TFDP1: variants seen among roughly 807,000 people sequenced by gnomAD.
TFDP1 encodes transcription factor Dp-1, also known as DRTF1-polypeptide 1.
Under a neutral mutation model 48.0 loss-of-function variants are expected in TFDP1, and 6 were observed. That is an observed-to-expected ratio of 0.13 (90% confidence interval 0.07 to 0.25). TFDP1 has a LOEUF of 0.25. Among genes scored for constraint, TFDP1 ranks in the 10% least tolerant of loss-of-function variants. The pLI, the probability that TFDP1 is intolerant of heterozygous loss-of-function variation, is 1.00. For missense variants in TFDP1, 335 were observed against 543.0 expected, an observed-to-expected ratio of 0.62 and a Z score of 3.81; for synonymous variants, 201 against 211.6, an observed-to-expected ratio of 0.95 and a Z score of 0.44.
intron 3 of TFDP1, among the ~76,000 whole-genome samples, chr13:113,622,889 G>T (rs1353200396): frequency 6.6e-6 from 1 of 152,238 alleles, no homozygotes; most frequent in Non-Finnish European, 1.5e-5. Flanking sequence ...CCAGGCCGTG[G>T]TCCCCACCAG....
In TFDP1 at chr13:113,633,446, G is replaced by A. The variant is rs955981473; in HGVS notation, c.474+161G>A. ...GAGTCAGTAAGTGTGTGCCGGGGCC[G>A]AGAGGCTGGGGTGGCGGAGCCCAGC... On this transcript the variant is annotated intron_variant, in intron 6 of 11. Coordinates refer to ENST00000375370, the MANE Select transcript of TFDP1 (RefSeq NM_007111.5). This position sits in a 1 kb window ranked among gnomAD's most constrained non-coding sequence, Gnocchi z 4.5. Among the ~76,000 whole-genome samples the A allele has an allele frequency of 6.6e-5, 10 of 151,960 alleles. No homozygotes were observed. The highest frequency in any genetic ancestry group is 9.7e-5 in the African/African-American group (4 of 41,326).
At chr13:113,619,488 A>AC (rs2048944314) in intron 3 of TFDP1, among the ~76,000 whole-genome samples, 1 of 148,154 alleles carries the variant, frequency 6.7e-6, no homozygotes, top group African/African-American at 2.5e-5. Flanking sequence ...AAACAAAAAA[A>AC]AAAAAAAAAA....
At chr13:113,590,026 C>T (rs11842514) in intron 2 of TFDP1, among the ~76,000 whole-genome samples, 3,482 of 152,314 alleles carry the variant, frequency 0.023, 136 homozygotes, top group African/African-American at 0.079. Context: ...TGTAAGACTT[C>T]GGGATGTAGC....
chr13:113,633,829 A>G lies in TFDP1; in HGVS notation c.475-61A>G, dbSNP rs1357019782. 4 of 1,551,010 alleles carry G rather than the reference A, an allele frequency of 2.6e-6. No individual in the cohort carries two copies. Among genetic ancestry groups the G allele is most frequent in the South Asian group, 1.2e-5 (1 of 80,290 alleles). On this transcript the variant is annotated intron_variant, in intron 6 of 11. Coordinates refer to ENST00000375370, the MANE Select transcript of TFDP1 (RefSeq NM_007111.5). The surrounding 1 kb of genome is among the most constrained non-coding windows in gnomAD (Gnocchi z 4.5). ...CTTTGAGCCAGTGCCCATGGTCTAC[A>G]GTTTAAGGATCCACCGGCCTTTTTG...
At chr13:113,625,568 G>A (rs1377983730) in intron 4 of TFDP1, among the ~76,000 whole-genome samples, 1 of 74,304 alleles carries the variant, frequency 1.3e-5, no homozygotes, top group Non-Finnish European at 2.6e-5. Context: ...TGTCTCTCAC[G>A]TGTCCTCAGG....
In TFDP1 at chr13:113,619,530, C is replaced by G. The variant is rs2048946915; in HGVS notation, c.80-3650C>G. Among the ~76,000 whole-genome samples, 3 of 151,832 alleles carry G rather than the reference C, an allele frequency of 2.0e-5. No homozygotes were observed. In the South Asian group the frequency reaches 6.3e-4, roughly 32 times the overall value. ...AAGCCCACCCACCCAGGTCTGGCCC[C>G]AGAAGCCACTGCCACTGCCCTTTCC... On this transcript the variant is annotated intron_variant, in intron 3 of 11. Transcript: ENST00000375370.
intron 4 of TFDP1, among the ~76,000 whole-genome samples, chr13:113,624,341 T>G (rs937591949): frequency 6.6e-6 from 1 of 151,114 alleles, no homozygotes; most frequent in Admixed American, 6.6e-5. Context: ...GTCTCTCGGG[T>G]GTCCTCAGGT....
intron 4 of TFDP1, among the ~76,000 whole-genome samples, chr13:113,630,079 G>A (rs546905318): frequency 6.6e-5 from 10 of 152,254 alleles, no homozygotes; most frequent in Admixed American, 2.6e-4. Flanking sequence ...CGGGGCCAGC[G>A]CGCTCTCAGG....
intron 3 of TFDP1, among the ~76,000 whole-genome samples, chr13:113,614,062 T>A (rs1193161781): frequency 6.7e-6 from 1 of 149,928 alleles, no homozygotes; most frequent in African/African-American, 2.4e-5. Flanking sequence ...GTGTGTTGTG[T>A]GCATGAGTTG....
At chr13:113,617,936 T>C (rs1346700204) in intron 3 of TFDP1, among the ~76,000 whole-genome samples, 3 of 152,282 alleles carry the variant, frequency 2.0e-5, no homozygotes, top group Admixed American at 1.3e-4. Context: ...TAATGGATTA[T>C]AGCAACTGAG....
At chr13:113,591,908 A>G (rs1225804713) in intron 2 of TFDP1, among the ~76,000 whole-genome samples, 3 of 152,168 alleles carry the variant, frequency 2.0e-5, no homozygotes, top group Non-Finnish European at 4.4e-5. Context: ...CTGGCCATGC[A>G]CTGCTCTCTG....
In TFDP1 at chr13:113,598,349, T is replaced by A. The variant is rs2048334245; in HGVS notation, c.12+12500T>A. ...AGAGCATCATTTGGTGTTTTTCTGC[T>A]GGAAAAGCAGGCTTTAGAGTGGTGG... On this transcript the variant is annotated intron_variant, in intron 2 of 11. Coordinates refer to ENST00000375370, the MANE Select transcript of TFDP1 (RefSeq NM_007111.5). This position sits in a 1 kb window ranked among gnomAD's most constrained non-coding sequence, Gnocchi z 4.2. 6.6e-6 allele frequency among the ~76,000 whole-genome samples: 1 copy of A among 152,178 alleles called. No individual in the cohort carries two copies. The highest frequency in any genetic ancestry group is 2.1e-4 in the South Asian group (1 of 4,834).
At chr13:113,590,419 G>A (rs541813965) in intron 2 of TFDP1, among the ~76,000 whole-genome samples, 2 of 152,322 alleles carry the variant, frequency 1.3e-5, no homozygotes, top group South Asian at 4.1e-4. Context: ...CCTGGATGGT[G>A]AAGTTCAGGC....
rs1474098431 is a variant in TFDP1, at chr13:113,625,070, A to C, written c.186+1784A>C. Among the ~76,000 whole-genome samples the C allele has an allele frequency of 3.9e-5, 5 of 126,956 alleles. No individual in the cohort carries two copies. The South Asian group carries it at 1.5e-3, about 37-fold the overall frequency. 83.3% of individuals were successfully genotyped at this position (126,956 alleles called of 152,430 possible). On this transcript the variant is annotated intron_variant, in intron 4 of 11. Coordinates refer to ENST00000375370, the MANE Select transcript of TFDP1 (RefSeq NM_007111.5). ...TCTCACGTGTCCTCAGGTGTCTCTCACGTGTCCTCAGGTGTCTCTCACGTG... is the reference window on the plus strand; with the variant it reads ...TCTCACGTGTCCTCAGGTGTCTCTCCCGTGTCCTCAGGTGTCTCTCACGTG...
chr13:113,585,107 C>T (rs1465670381), intron 1 of TFDP1, among the ~76,000 whole-genome samples: 3 of 146,810 alleles, frequency 2.0e-5, no homozygotes, highest in African/African-American at 4.9e-5. Context: ...GTCCCGGGCC[C>T]GGCCCTCCCG....
At chr13:113,606,670 A>G (rs1307706701) in intron 2 of TFDP1, among the ~76,000 whole-genome samples, 2 of 152,112 alleles carry the variant, frequency 1.3e-5, no homozygotes, top group East Asian at 3.9e-4. Flanking sequence ...GTGCTGGTTT[A>G]TAGAACATTT....
chr13:113,585,392 C>T (rs2047975541), intron 1 of TFDP1: 2 of 153,270 alleles, frequency 1.3e-5, no homozygotes, highest in Non-Finnish European at 2.9e-5. Context: ...CGCCGCGAGC[C>T]TGCACGTTGC....
rs1037666360 is a variant in TFDP1, at chr13:113,603,334, G to A, written c.13-7662G>A. Among the ~76,000 whole-genome samples, 6 of 152,250 alleles carry A rather than the reference G, an allele frequency of 3.9e-5. No individual in the cohort carries two copies. In the East Asian group the frequency reaches 7.7e-4, roughly 20 times the overall value. On this transcript the variant is annotated intron_variant, in intron 2 of 11. Transcript: ENST00000375370. ...AGGAGCCCCCTGGACACACCCTGGC[G>A]GGTGCTGGCTGGCAAAGAGGGAGGC...
rs776290371 is a variant in TFDP1 at position 113,637,859 on chromosome 13, G to T, written c.1048G>T (p.Ala350Ser). Reference sequence around the variant, plus strand: ...TGTTGGAGGCGTGTTCATCACGACGGCAGGTTCCACGTCTAACGGCACAAG... The same window carrying T: ...TGTTGGAGGCGTGTTCATCACGACGTCAGGTTCCACGTCTAACGGCACAAG... ...GTVGGVFITT[A>S]GSTSNGTRFS... Residue 350 changes from alanine to serine, a missense_variant, in exon 11 of 12, where the codon GCA becomes TCA. Ala to Ser is a moderately conservative substitution (Grantham distance 99). Around this residue, in one of 3 missense-constraint regions of TFDP1, gnomAD observed 204 missense variants for 287.1 expected, o/e 0.71. Transcript: ENST00000375370. 3.1e-6 allele frequency: 5 copies of T among 1,614,152 alleles called. No homozygotes were observed. The highest frequency in any genetic ancestry group is 4.2e-6 in the Non-Finnish European group (5 of 1,180,046).
Sources: gnomAD v4.1 joint callset for allele counts (sites outside exome capture counted in the v4.1 genomes callset) on GRCh38, gnomAD v4.1.1 for gene constraint, gnomAD v4.1.1 regional missense constraint, Gnocchi (gnomAD v3.1) non-coding constraint, MANE v1.5 for transcripts, NCBI Gene and HGNC (gene_info 2026-07-23, HGNC 2026-07-21) for gene names.